ALOX5AP: variants seen among roughly 807,000 people sequenced by gnomAD.
ALOX5AP encodes arachidonate 5-lipoxygenase-activating protein.
ALOX5AP carries 9 observed loss-of-function variants against 18.5 expected under a neutral mutation model. The ratio of observed to expected loss-of-function variants is 0.49; its 90% CI spans 0.29 to 0.85. The LOEUF is 0.85. Among genes scored for constraint, ALOX5AP ranks in the 40% least tolerant of loss-of-function variants. The pLI is 0.08. For synonymous variants in ALOX5AP, 81 were observed against 78.6 expected (o/e 1.03, Z -0.16); for missense variants, 172 against 202.5 (o/e 0.85, Z 0.91).
At chr13:30,718,054 G>C (rs1312162604) in intron 1 of ALOX5AP, among the ~76,000 whole-genome samples, 1 of 151,684 alleles carries the variant, frequency 6.6e-6, no homozygotes, top group Non-Finnish European at 1.5e-5. Flanking sequence ...CCGCCTCCCA[G>C]GTTTAAGCGA....
At chr13:30,754,432 T>C (rs1225518237) in intron 3 of ALOX5AP, among the ~76,000 whole-genome samples, 1 of 152,174 alleles carries the variant, frequency 6.6e-6, no homozygotes, top group East Asian at 1.9e-4. Flanking sequence ...TCAGTTTCCT[T>C]ATTGTAAAAC....
chr13:30,717,247 T>C (rs1312680515), intron 1 of ALOX5AP, among the ~76,000 whole-genome samples: 5 of 152,262 alleles, frequency 3.3e-5, no homozygotes, highest in African/African-American at 1.2e-4. Context: ...GGTTAAATTC[T>C]TTATTACTGT....
At chr13:30,758,747 G>A (rs929913611) in intron 4 of ALOX5AP, among the ~76,000 whole-genome samples, 2 of 151,880 alleles carry the variant, frequency 1.3e-5, no homozygotes, top group African/African-American at 2.4e-5. Context: ...TCTTGGTTTC[G>A]TTTCTTTTCT....
upstream of ALOX5AP, chr13:30,735,434 TAAAAAAAAAAAAAAA>T: frequency 1.1e-5 from 9 of 856,040 alleles, no homozygotes; most frequent in South Asian, 2.2e-5. Context: ...GGTGGTTAGT[TAAAAAAAAAAAAAAA>T]AAAAAAAAAA....
At chr13:30,725,635 G>A (rs1326726327) in intron 1 of ALOX5AP, among the ~76,000 whole-genome samples, 2 of 152,252 alleles carry the variant, frequency 1.3e-5, no homozygotes, top group African/African-American at 4.8e-5. Context: ...GGAAGGGGCA[G>A]TGCTTTGTCT....
intron 1 of ALOX5AP, among the ~76,000 whole-genome samples, chr13:30,714,626 ACC>A (rs1469345524): frequency 1.9e-4 from 29 of 150,468 alleles, no homozygotes; most frequent in Non-Finnish European, 3.3e-4. Flanking sequence ...TTGAGCCAGG[ACC>A]TAGCGCATAG....
chr13:30,718,332 T>C (rs1159981608), intron 1 of ALOX5AP, among the ~76,000 whole-genome samples: 1 of 151,032 alleles, frequency 6.6e-6, no homozygotes. Flanking sequence ...TAGTAAGGGC[T>C]ATGGGAGTTA....
At chr13:30,756,634 C>A (rs1468786299) in intron 4 of ALOX5AP, among the ~76,000 whole-genome samples, 1 of 151,844 alleles carries the variant, frequency 6.6e-6, no homozygotes, top group Non-Finnish European at 1.5e-5. Flanking sequence ...CATGGTGAAA[C>A]CCCGTCTCTA....
intron 4 of ALOX5AP, among the ~76,000 whole-genome samples, chr13:30,762,587 CA>C (rs539920282): frequency 2.0e-3 from 198 of 100,756 alleles, no homozygotes; most frequent in African/African-American, 2.5e-3. Context: ...GACTCAGTCT[CA>C]AAAAAAAAAA....
At chr13:30,752,336 G>C (rs1458570083) in intron 3 of ALOX5AP, among the ~76,000 whole-genome samples, 1 of 152,196 alleles carries the variant, frequency 6.6e-6, no homozygotes, top group Non-Finnish European at 1.5e-5. Context: ...CTTGCTCCCT[G>C]GTGGCTGGCT....
intron 4 of ALOX5AP, among the ~76,000 whole-genome samples, chr13:30,756,620 C>T (rs1951896405): frequency 6.6e-6 from 1 of 151,904 alleles, no homozygotes; most frequent in Non-Finnish European, 1.5e-5. Context: ...ACCAGCCTGG[C>T]CAACATGGTG....
chr13:30,753,372 A>G (rs1283660657), intron 3 of ALOX5AP, among the ~76,000 whole-genome samples: 1 of 152,230 alleles, frequency 6.6e-6, no homozygotes, highest in Non-Finnish European at 1.5e-5. Flanking sequence ...TGCTCTTACT[A>G]GGAGTTATGG....
chr13:30,729,215 ATGG>A (rs1951661267), intron 1 of ALOX5AP, among the ~76,000 whole-genome samples: 1 of 151,928 alleles, frequency 6.6e-6, no homozygotes, highest in Non-Finnish European at 1.5e-5. Context: ...TGCCTTCTTC[ATGG>A]TCACAAAGAC....
intron 1 of ALOX5AP, among the ~76,000 whole-genome samples, chr13:30,716,108 A>G (rs1370766508): frequency 6.6e-6 from 1 of 152,206 alleles, no homozygotes; most frequent in Non-Finnish European, 1.5e-5. Flanking sequence ...TCCCACGTGG[A>G]GCTACTTGCT....
rs146973182 is a variant in ALOX5AP at position 30,744,086 on chromosome 13, G to C, written c.97G>C (p.Glu33Gln). The C allele has an allele frequency of 7.2e-5, 116 of 1,613,998 alleles. No homozygotes were observed. Among genetic ancestry groups the C allele is most frequent in the Non-Finnish European group, 9.7e-5 (114 of 1,180,002 alleles). Residue 33 changes from glutamate (E) to glutamine (Q), a missense_variant, in exon 2 of 5, where the codon GAA (glutamate) becomes CAA (glutamine). Transcript: ENST00000380490. ...ATTCTTTGCCCATAAAGTGGAGCAC[G>C]AAAGCAGGACCCAGAATGGGAGGAG... ...NGFFAHKVEH[E>Q]SRTQNGRSFQ...
At chr13:30,743,942 A>G in intron 1 of ALOX5AP, 118 bp from the exon 2 acceptor site, 2 of 754,124 alleles carry the variant, frequency 2.7e-6, no homozygotes, top group Non-Finnish European at 4.6e-6. Flanking sequence ...GATGGAGGAC[A>G]TTTAGGGTTG....
intron 2 of ALOX5AP, among the ~76,000 whole-genome samples, chr13:30,746,727 A>G (rs1053055362): frequency 5.9e-5 from 9 of 152,246 alleles, no homozygotes; most frequent in African/African-American, 2.2e-4. Flanking sequence ...ACATGCATTT[A>G]ATCTTGCTAT....
At chr13:30,729,537 A>G (rs1447614962) in intron 1 of ALOX5AP, among the ~76,000 whole-genome samples, 2 of 151,750 alleles carry the variant, frequency 1.3e-5, no homozygotes, top group Non-Finnish European at 2.9e-5. Context: ...AAAACAGATA[A>G]AGCTAAGTCT....
Position 30,744,103 on chromosome 13 carries a change from T to A in ALOX5AP, c.114T>A (p.Asn38Lys), listed in dbSNP as rs1435599026. The part of the protein sequence containing the change: ...HKVEHESRTQ[N>K]GRSFQRTGTL... ...TGGAGCACGAAAGCAGGACCCAGAA[T>A]GGGAGGAGCTTCCAGAGGACCGGAA... The change falls in exon 2 of 5, where the codon AAT (asparagine) becomes AAA (lysine). Residue 38 changes from asparagine (N) to lysine (K), a missense_variant. Coordinates refer to ENST00000380490, the MANE Select transcript of ALOX5AP (RefSeq NM_001629.4). 1.2e-6 allele frequency: 2 copies of A among 1,614,010 alleles called. No individual in the cohort carries two copies. The highest frequency in any genetic ancestry group is 1.7e-6 in the Non-Finnish European group (2 of 1,180,008).
Sources: allele counts gnomAD v4.1 joint callset (sites outside exome capture counted in the v4.1 genomes callset), GRCh38; gene constraint gnomAD v4.1.1; transcripts MANE v1.5; gene names NCBI Gene and HGNC (gene_info 2026-07-23, HGNC 2026-07-21).